GTF2I: variants seen among roughly 807,000 people sequenced by gnomAD.
The protein encoded by GTF2I is general transcription factor IIi.
GTF2I carries 12 observed loss-of-function variants against 67.6 expected under a neutral mutation model. The observed-to-expected ratio is 0.18, with a 90% CI of 0.11 to 0.29. The LOEUF is 0.29. Among genes scored for constraint, GTF2I ranks in the 10% least tolerant of loss-of-function variants. The probability of loss-of-function intolerance (pLI) is 1.00; values close to 1 mark genes in which losing one functional copy is unlikely to be tolerated. For missense variants in GTF2I, 271 were observed against 580.1 expected (o/e 0.47, Z 5.47); for synonymous variants, 149 against 197.0 (o/e 0.76, Z 2.04).
chr7:74,671,945 C>T (rs894767916), intron 1 of GTF2I, among the ~76,000 whole-genome samples: 4 of 151,912 alleles, frequency 2.6e-5, no homozygotes, highest in South Asian at 2.1e-4. Context: ...GTCCCTGCCA[C>T]TGCATTCCAG....
At chr7:74,698,038 C>T (rs6970662) in intron 3 of GTF2I, among the ~76,000 whole-genome samples, 1,827 of 152,336 alleles carry the variant, frequency 0.012, 41 homozygotes, top group African/African-American at 0.041. Context: ...TCGCTGCAAG[C>T]TCCACCTCCC....
intron 1 of GTF2I, among the ~76,000 whole-genome samples, chr7:74,667,085 C>G (rs1411887881): frequency 6.6e-6 from 1 of 152,148 alleles, no homozygotes; most frequent in African/African-American, 2.4e-5. Context: ...GCGGAGGTTG[C>G]AGTGAGCCAA....
intron 1 of GTF2I, among the ~76,000 whole-genome samples, chr7:74,687,849 T>G (rs1306376909): frequency 6.6e-6 from 1 of 152,218 alleles, no homozygotes; most frequent in Admixed American, 6.5e-5. Flanking sequence ...GTTTAATTTT[T>G]AAATTTTTCA....
intron 1 of GTF2I, among the ~76,000 whole-genome samples, chr7:74,681,081 A>G (rs1358945020): frequency 6.6e-6 from 1 of 152,218 alleles, no homozygotes; most frequent in African/African-American, 2.4e-5. Context: ...AATTAAAATC[A>G]AATCAGGGAA....
At position 74,711,025 on chromosome 7, in the gene GTF2I, T is replaced by A; in HGVS notation, c.686-7T>A. On this transcript the variant is annotated splice_polypyrimidine_tract_variant and splice_region_variant and intron_variant, in intron 8 of 34. Transcript: ENST00000573035. The stretch of plus-strand genomic sequence containing the variant: ...ATGCAATCATATCATTGCATTTGCT[T>A]TTCTAGGCATTTCCCTGGAAATGGC... The A allele has an allele frequency of 6.8e-7, 1 of 1,480,644 alleles. No homozygotes were observed. Among genetic ancestry groups the A allele is most frequent in the Non-Finnish European group, 9.3e-7 (1 of 1,078,976 alleles). 91.7% of individuals were successfully genotyped at this position (1,480,644 alleles called of 1,614,324 possible). A position where few individuals can be genotyped will look rare whatever the true frequency, so the allele number is the denominator to read the frequency against.
At chr7:74,674,396 C>T (rs1186625348) in intron 1 of GTF2I, among the ~76,000 whole-genome samples, 1 of 152,068 alleles carries the variant, frequency 6.6e-6, no homozygotes, top group Non-Finnish European at 1.5e-5. Context: ...AAAATAGTTG[C>T]AAGAACAGCA....
intron 26 of GTF2I, among the ~76,000 whole-genome samples, chr7:74,749,936 G>T (rs1795699512): frequency 6.8e-6 from 1 of 145,990 alleles, no homozygotes; most frequent in African/African-American, 2.5e-5. Flanking sequence ...TCCTTATGCT[G>T]CTGGTAGAAG....
At chr7:74,747,646 T>TAA (rs1344593191) in intron 23 of GTF2I, among the ~76,000 whole-genome samples, 4 of 47,526 alleles carry the variant, frequency 8.4e-5, no homozygotes, top group African/African-American at 2.3e-4. Flanking sequence ...TACAAAATTA[T>TAA]CTGGGCCTGG....
chr7:74,694,618 A>G (rs1388857021), intron 3 of GTF2I, among the ~76,000 whole-genome samples: 6 of 152,188 alleles, frequency 3.9e-5, no homozygotes, highest in South Asian at 2.1e-4. Flanking sequence ...TCTCTATAAC[A>G]TAAAAGTGCA....
intron 7 of GTF2I, 132 bp downstream of exon 7, chr7:74,705,350 A>C: frequency 3.1e-6 from 2 of 653,986 alleles, no homozygotes; most frequent in African/African-American, 1.8e-5. Context: ...CAAGGATATC[A>C]TTTGGGGATC....
intron 6 of GTF2I, among the ~76,000 whole-genome samples, chr7:74,704,563 G>C (rs1562962984): frequency 6.6e-6 from 1 of 152,142 alleles, no homozygotes. Flanking sequence ...AAAGTGCTGG[G>C]ATTACAGGTG....
chr7:74,725,954 T>G, intron 12 of GTF2I, among the ~76,000 whole-genome samples: 1 of 152,082 alleles, frequency 6.6e-6, no homozygotes, highest in East Asian at 1.9e-4. Context: ...AGTGAAGTCT[T>G]TTCAGTAAGG....
intron 1 of GTF2I, among the ~76,000 whole-genome samples, chr7:74,665,338 G>C (rs587718152): frequency 6.6e-6 from 1 of 151,882 alleles, no homozygotes; most frequent in East Asian, 1.9e-4. Flanking sequence ...TACAACCCCT[G>C]CCTCTCGGGT....
chr7:74,705,158 A>G lies in GTF2I; in HGVS notation c.587-6A>G, dbSNP rs782165602. ...ACTAACTCCAATTTTTTTTTTTTGT[A>G]TGTAGGTGGTCGTGTGATGGTAACA... is the stretch of plus-strand genomic sequence containing the variant. On this transcript the variant is annotated splice_region_variant and splice_polypyrimidine_tract_variant and intron_variant, in intron 6 of 34. Transcript: ENST00000573035. 1 of 1,567,224 alleles carries G rather than the reference A, an allele frequency of 6.4e-7. No individual in the cohort carries two copies. The highest frequency in any genetic ancestry group is 8.7e-7 in the Non-Finnish European group (1 of 1,145,530).
rs1788009674 is a variant in GTF2I, at chr7:74,689,111, T to C, written c.-5-13T>C. ...TTTCTACCACTCACTTTCTTCTTAC[T>C]TCTCCTGCACAGGGATCATGGCCCA... On this transcript the variant is annotated splice_polypyrimidine_tract_variant and intron_variant, in intron 1 of 34. Transcript: ENST00000573035. The C allele has an allele frequency of 1.3e-6, 2 of 1,532,118 alleles. No individual in the cohort carries two copies. Among genetic ancestry groups the C allele is most frequent in the South Asian group, 1.1e-5 (1 of 89,308 alleles). The allele number at this position is 1,532,118 out of a possible 1,614,324, so 94.9% of individuals were successfully genotyped here. A position where few individuals can be genotyped will look rare whatever the true frequency, so the allele number is the denominator to read the frequency against.
chr7:74,673,434 T>C (rs1554391325), intron 1 of GTF2I, among the ~76,000 whole-genome samples: 1 of 152,062 alleles, frequency 6.6e-6, no homozygotes, highest in Non-Finnish European at 1.5e-5. Flanking sequence ...TAGAGTGCAA[T>C]GGTGTGATCT....
At chr7:74,689,843 G>A (rs782776819) in intron 2 of GTF2I, among the ~76,000 whole-genome samples, 9 of 152,122 alleles carry the variant, frequency 5.9e-5, no homozygotes, top group Non-Finnish European at 1.2e-4. Context: ...AGACTCCCGA[G>A]TAGCTGGGAT....
chr7:74,700,621 A>G lies in GTF2I; in HGVS notation c.573A>G (p.Pro191=). ...TTTAATGCAGACCTTTTTTAGAGCC[A>G]AAGAAGCATGTAGGTAAGTAAGTGC... The part of the protein sequence containing the change: ...SFIIKRPFLE[P]KKHVGGRVMV... Residue 191 remains proline, a synonymous_variant, in exon 6 of 35, where the codon CCA becomes CCG. Coordinates refer to ENST00000573035, the MANE Select transcript of GTF2I (RefSeq NM_032999.4). The G allele has an allele frequency of 6.2e-7, 1 of 1,614,128 alleles. No individual in the cohort carries two copies. The highest frequency in any genetic ancestry group is 8.5e-7 in the Non-Finnish European group (1 of 1,179,970).
chr7:74,678,553 G>A (rs1786905625), intron 1 of GTF2I, among the ~76,000 whole-genome samples: 2 of 151,752 alleles, frequency 1.3e-5, no homozygotes, highest in Admixed American at 6.6e-5. Flanking sequence ...TAAAATAATG[G>A]GCCTGGTGTT....
Sources: gnomAD v4.1 joint callset for allele counts (sites outside exome capture counted in the v4.1 genomes callset) on GRCh38, gnomAD v4.1.1 for gene constraint, MANE v1.5 for transcripts, NCBI Gene and HGNC (gene_info 2026-07-23, HGNC 2026-07-21) for gene names.